The following KCNIP3 variants were observed in gnomAD, a reference collection of about 807,000 sequenced individuals.
KCNIP3 encodes potassium voltage-gated channel interacting protein 3, also known as calsenilin.
In KCNIP3, 28 loss-of-function variants were observed where a neutral mutation model predicts 35.0. The observed-to-expected ratio is 0.80, with a 90% CI of 0.59 to 1.10. The LOEUF (loss-of-function observed/expected upper bound fraction) is 1.10, where lower values mean the gene tolerates loss of function less well. KCNIP3 is among the 50% of genes least tolerant of loss of function. The pLI is 0.00. For synonymous variants in KCNIP3, 134 were observed against 133.8 expected, an observed-to-expected ratio of 1.00 and a Z score of -0.01; for missense variants, 295 against 338.4, an observed-to-expected ratio of 0.87 and a Z score of 1.01.
intron 2 of KCNIP3, chr2:95,346,917 C>A: frequency 1.7e-6 from 1 of 584,000 alleles, no homozygotes; most frequent in Non-Finnish European, 2.5e-6. Flanking sequence ...GCCGTCGCCG[C>A]CCCCGAGAGG....
intron 2 of KCNIP3, among the ~76,000 whole-genome samples, chr2:95,338,656 T>C (rs1342482588): frequency 6.6e-6 from 1 of 152,192 alleles, no homozygotes; most frequent in Admixed American, 6.5e-5. Flanking sequence ...TTAGACTTGA[T>C]GTTAACCAAA....
chr2:95,310,511 C>T lies in KCNIP3; in HGVS notation c.172C>T (p.Gln58Ter). Reference sequence around the variant, plus strand: ...GTGGATCCTGTCCAGCACAGCCCCACAGGGCTCAGGTAGGGGCCAGGGTGG... The same window carrying T: ...GTGGATCCTGTCCAGCACAGCCCCATAGGGCTCAGGTAGGGGCCAGGGTGG... ...VKWILSSTAPQGSDSSDSELE... is the reference protein window; with the variant it reads ...VKWILSSTAP The change falls in exon 2 of 9, where the codon CAG (glutamine) becomes TAG (stop). Residue 58 changes from glutamine to a stop codon, truncating the protein, a stop_gained. Transcript: ENST00000295225. LOFTEE classifies it high-confidence loss of function. 1 of 1,606,952 alleles carries T rather than the reference C, an allele frequency of 6.2e-7. No homozygotes were observed.
intron 2 of KCNIP3, among the ~76,000 whole-genome samples, chr2:95,320,735 T>TC (rs1357913639): frequency 2.6e-5 from 4 of 151,924 alleles, no homozygotes; most frequent in Non-Finnish European, 5.9e-5. Context: ...TGGCCCTGCA[T>TC]CCCCCAAACT....
intron 2 of KCNIP3, among the ~76,000 whole-genome samples, chr2:95,353,253 G>A (rs1198709415): frequency 6.6e-6 from 1 of 152,216 alleles, no homozygotes; most frequent in African/African-American, 2.4e-5. Context: ...GAGAACCTGG[G>A]TGGGGGCCTC....
chr2:95,380,151 C>T (rs1392587851), intron 5 of KCNIP3, among the ~76,000 whole-genome samples: 2 of 152,182 alleles, frequency 1.3e-5, no homozygotes, highest in Non-Finnish European at 1.5e-5. Context: ...TTTGCTCTCC[C>T]AACCTTTCTT....
At chr2:95,324,784 G>T (rs1678695452) in intron 2 of KCNIP3, among the ~76,000 whole-genome samples, 1 of 151,520 alleles carries the variant, frequency 6.6e-6, no homozygotes, top group Non-Finnish European at 1.5e-5. Flanking sequence ...AGTGGCGGGC[G>T]CCTGTAGTCC....
intron 2 of KCNIP3, among the ~76,000 whole-genome samples, chr2:95,318,033 C>T (rs1192062343): frequency 6.9e-6 from 1 of 145,198 alleles, no homozygotes; most frequent in South Asian, 2.3e-4. Flanking sequence ...AGGATTGGGC[C>T]TGCCTTATCT....
intron 2 of KCNIP3, among the ~76,000 whole-genome samples, chr2:95,342,905 C>T (rs1042035303): frequency 2.0e-5 from 3 of 152,140 alleles, no homozygotes; most frequent in African/African-American, 7.2e-5. Context: ...GGTGTGGTCA[C>T]CAGCCACACA....
intron 1 of KCNIP3, chr2:95,303,159 A>G (rs541284985): frequency 6.6e-6 from 1 of 152,184 alleles, no homozygotes; most frequent in Non-Finnish European, 1.5e-5. Context: ...CACACTCCTG[A>G]CAGTCTGACT....
chr2:95,346,329 C>G (rs1230346788), intron 2 of KCNIP3, among the ~76,000 whole-genome samples: 8 of 151,616 alleles, frequency 5.3e-5, no homozygotes, highest in Admixed American at 5.2e-4. Flanking sequence ...CGGCCCCTCC[C>G]CAGCCCCTCG....
chr2:95,357,361 C>T (rs1679679907), intron 2 of KCNIP3, among the ~76,000 whole-genome samples: 1 of 152,184 alleles, frequency 6.6e-6, no homozygotes, highest in African/African-American at 2.4e-5. Context: ...AGATCCCCGG[C>T]CTGGGACAGG....
At chr2:95,317,976 G>C in intron 2 of KCNIP3, among the ~76,000 whole-genome samples, 1 of 152,076 alleles carries the variant, frequency 6.6e-6, no homozygotes, top group Non-Finnish European at 1.5e-5. Flanking sequence ...GGTTGCTTTG[G>C]TGGGGCTGGG....
At chr2:95,346,075 C>T (rs1415195670) in intron 2 of KCNIP3, among the ~76,000 whole-genome samples, 1 of 152,260 alleles carries the variant, frequency 6.6e-6, no homozygotes, top group East Asian at 1.9e-4. Flanking sequence ...TTCCCTAAAG[C>T]CCCGAGTGCA....
chr2:95,337,200 T>C (rs945270255), intron 2 of KCNIP3, among the ~76,000 whole-genome samples: 1 of 152,110 alleles, frequency 6.6e-6, no homozygotes, highest in Non-Finnish European at 1.5e-5. Flanking sequence ...GAGAATATAC[T>C]CAAGGATAAA....
chr2:95,310,197 A>C, intron 1 of KCNIP3, 158 bp from the exon 2 acceptor site: 24 of 795,358 alleles, frequency 3.0e-5, no homozygotes, highest in Non-Finnish European at 4.6e-5. Context: ...TCTGGCAGGA[A>C]TGGCCAGGAC....
At chr2:95,344,433 G>C (rs1442936945) in intron 2 of KCNIP3, among the ~76,000 whole-genome samples, 1 of 152,242 alleles carries the variant, frequency 6.6e-6, no homozygotes, top group East Asian at 1.9e-4. Context: ...CGTAGCCCAG[G>C]TGGCTAATGC....
At chr2:95,364,721 C>T (rs547215914) in intron 2 of KCNIP3, among the ~76,000 whole-genome samples, 2 of 152,182 alleles carry the variant, frequency 1.3e-5, no homozygotes, top group Non-Finnish European at 2.9e-5. Flanking sequence ...GACCTGCTTG[C>T]TCCCTCTTCA....
intron 2 of KCNIP3, among the ~76,000 whole-genome samples, chr2:95,343,093 G>A (rs1475978864): frequency 6.6e-6 from 1 of 152,128 alleles, no homozygotes; most frequent in Non-Finnish European, 1.5e-5. Flanking sequence ...GTCCAGGAGG[G>A]AGAACAATGC....
chr2:95,359,554 G>A (rs1316346834), intron 2 of KCNIP3, among the ~76,000 whole-genome samples: 3 of 152,148 alleles, frequency 2.0e-5, no homozygotes, highest in African/African-American at 7.2e-5. Flanking sequence ...AGCCGGTCAC[G>A]CTGGTAGCTC....
Sources: allele counts gnomAD v4.1 joint callset (sites outside exome capture counted in the v4.1 genomes callset), GRCh38; gene constraint gnomAD v4.1.1; transcripts MANE v1.5; gene names NCBI Gene and HGNC (gene_info 2026-07-23, HGNC 2026-07-21).